KCNIP4: variants seen among roughly 807,000 people sequenced by gnomAD.
KCNIP4 encodes Kv channel-interacting protein 4.
KCNIP4 carries 12 observed loss-of-function variants against 34.0 expected under a neutral mutation model. That is an observed-to-expected ratio of 0.35 (90% CI 0.23 to 0.57). The LOEUF is 0.57. Among genes scored for constraint, KCNIP4 ranks in the 20% least tolerant of loss-of-function variants. KCNIP4 has a pLI of 0.83. For synonymous variants in KCNIP4, 124 were observed against 102.2 expected, an observed-to-expected ratio of 1.21 and a Z score of -1.29; for missense variants, 238 against 311.7, an observed-to-expected ratio of 0.76 and a Z score of 1.78.
At chr4:21,279,817 C>T (rs1421098085) in intron 1 of KCNIP4, among the ~76,000 whole-genome samples, 1 of 152,012 alleles carries the variant, frequency 6.6e-6, no homozygotes, top group Non-Finnish European at 1.5e-5. Context: ...ATACAATTAA[C>T]CACTCATTAT....
chr4:21,942,942 A>G (rs1185033430), intron 1 of KCNIP4, among the ~76,000 whole-genome samples: 1 of 144,186 alleles, frequency 6.9e-6, no homozygotes, highest in Non-Finnish European at 1.5e-5. Context: ...TATTTCTAGT[A>G]GAGAACGGGT....
chr4:20,917,022 T>A (rs1212550096), intron 1 of KCNIP4, among the ~76,000 whole-genome samples: 2 of 26,072 alleles, frequency 7.7e-5, no homozygotes, highest in African/African-American at 1.2e-4. Flanking sequence ...TATATATATA[T>A]ATATATATAT....
intron 1 of KCNIP4, among the ~76,000 whole-genome samples, chr4:21,359,612 A>G (rs1041660232): frequency 6.6e-6 from 1 of 152,128 alleles, no homozygotes; most frequent in African/African-American, 2.4e-5. Context: ...AAATATATAA[A>G]ATAACACTGA....
intron 1 of KCNIP4, among the ~76,000 whole-genome samples, chr4:21,740,671 A>C (rs1716334538): frequency 6.6e-6 from 1 of 152,160 alleles, no homozygotes; most frequent in South Asian, 2.1e-4. Flanking sequence ...CTAAGTTTCC[A>C]TTTGTTCAAA....
chr4:20,873,882 T>C (rs1723735235), intron 2 of KCNIP4, among the ~76,000 whole-genome samples: 1 of 152,194 alleles, frequency 6.6e-6, no homozygotes, highest in Non-Finnish European at 1.5e-5. Context: ...CTGGCTAAGC[T>C]TTATCTTTTG....
intron 2 of KCNIP4, among the ~76,000 whole-genome samples, chr4:20,863,434 C>A (rs1293619463): frequency 6.6e-6 from 1 of 152,082 alleles, no homozygotes; most frequent in Non-Finnish European, 1.5e-5. Flanking sequence ...GTGATGTGAT[C>A]CCCAGGAGCA....
intron 1 of KCNIP4, among the ~76,000 whole-genome samples, chr4:20,890,690 G>C (rs886658866): frequency 6.6e-6 from 1 of 151,996 alleles, no homozygotes; most frequent in Non-Finnish European, 1.5e-5. Flanking sequence ...TAGTATACTA[G>C]TACTTCAAAC....
At chr4:21,060,638 A>G (rs931911847) in intron 1 of KCNIP4, among the ~76,000 whole-genome samples, 4 of 152,188 alleles carry the variant, frequency 2.6e-5, no homozygotes, top group Non-Finnish European at 4.4e-5. Context: ...TTCAGCCAAT[A>G]GAATGCTCAT....
chr4:20,918,382 A>G (rs1729051673), intron 1 of KCNIP4, among the ~76,000 whole-genome samples: 1 of 152,156 alleles, frequency 6.6e-6, no homozygotes, highest in Non-Finnish European at 1.5e-5. Flanking sequence ...TCTGATATTA[A>G]AAGAAGTCAT....
intron 1 of KCNIP4, among the ~76,000 whole-genome samples, chr4:21,776,125 C>T (rs1374479973): frequency 6.6e-6 from 1 of 152,200 alleles, no homozygotes; most frequent in Non-Finnish European, 1.5e-5. Flanking sequence ...GTGGAAAAAG[C>T]ACAGTTTCCC....
chr4:20,837,443 G>C (rs1480118984), intron 3 of KCNIP4, among the ~76,000 whole-genome samples: 1 of 151,934 alleles, frequency 6.6e-6, no homozygotes, highest in African/African-American at 2.4e-5. Context: ...TTTAAATGGG[G>C]ATTGTGAAAA....
chr4:21,804,077 A>C (rs1721158943), intron 1 of KCNIP4, among the ~76,000 whole-genome samples: 1 of 152,226 alleles, frequency 6.6e-6, no homozygotes, highest in African/African-American at 2.4e-5. Context: ...GATTTTGTGG[A>C]AGATTCAGAC....
intron 1 of KCNIP4, among the ~76,000 whole-genome samples, chr4:21,511,044 AAAAAT>A (rs1734274816): frequency 1.3e-5 from 2 of 152,018 alleles, no homozygotes; most frequent in Admixed American, 6.6e-5. Flanking sequence ...ACCCTATCTC[AAAAAT>A]AAAATAAAAT....
intron 1 of KCNIP4, among the ~76,000 whole-genome samples, chr4:21,781,061 T>A (rs546055871): frequency 1.7e-4 from 26 of 152,268 alleles, no homozygotes; most frequent in African/African-American, 6.3e-4. Context: ...CCTAAATTCA[T>A]CTGATATGGT....
chr4:21,872,340 T>A (rs1253247525), intron 1 of KCNIP4, among the ~76,000 whole-genome samples: 2 of 152,156 alleles, frequency 1.3e-5, no homozygotes, highest in African/African-American at 4.8e-5. Context: ...ACTCCAGCGC[T>A]ATGAGCCAGG....
At chr4:21,147,953 A>AAAAAAAAAAAAAAAAAAAAAAAAAAG (rs1752488719) in intron 1 of KCNIP4, among the ~76,000 whole-genome samples, 1 of 138,108 alleles carries the variant, frequency 7.2e-6, no homozygotes, top group Admixed American at 7.4e-5. Context: ...AAAAAAAAAA[A>AAAAAAAAAAAAAAAAAAAAAAAAAAG]AAAAAAAGAA....
At chr4:21,643,867 TGATGATAGATAGATAGATAGATAGATA>T (rs1447086660) in intron 1 of KCNIP4, among the ~76,000 whole-genome samples, 1 of 128,582 alleles carries the variant, frequency 7.8e-6, no homozygotes, top group South Asian at 2.4e-4. Flanking sequence ...GTGATGATGA[TGATGATAGATAGATAGATAGATAGATA>T]GATAGATAGA....
At chr4:21,576,371 T>C (rs1054212961) in intron 1 of KCNIP4, among the ~76,000 whole-genome samples, 8 of 152,324 alleles carry the variant, frequency 5.3e-5, no homozygotes, top group Admixed American at 2.0e-4. Context: ...CAAGGTCACG[T>C]CGGCACTAAG....
In KCNIP4 at chr4:20,937,693, G is replaced by A. The variant is rs575980196; in HGVS notation, c.62-54984C>T. 1.4e-3 allele frequency among the ~76,000 whole-genome samples: 218 copies of A among 152,244 alleles called. 1 individual carries two copies. Among genetic ancestry groups the A allele is most frequent in the Non-Finnish European group, 2.4e-3 (165 of 68,014 alleles). On this transcript the variant is annotated intron_variant, in intron 1 of 8. Transcript: ENST00000382152. Reference sequence around the variant, plus strand: ...AAAACCTCTTCAAGTTTTAAGACTTGAAAAAGTTTTCACATGGCCCAACTT... The same window carrying A: ...AAAACCTCTTCAAGTTTTAAGACTTAAAAAAGTTTTCACATGGCCCAACTT...
Sources: gnomAD v4.1 joint callset for allele counts (sites outside exome capture counted in the v4.1 genomes callset) on GRCh38, gnomAD v4.1.1 for gene constraint, MANE v1.5 for transcripts, NCBI Gene and HGNC (gene_info 2026-07-23, HGNC 2026-07-21) for gene names.